Variants in ZYG11B observed in about 807,000 individuals in gnomAD.
ZYG11B encodes the protein zyg-11 family member B, cell cycle regulator.
In ZYG11B, 36 loss-of-function variants were observed where a neutral mutation model predicts 82.4. That is an observed-to-expected ratio of 0.44 (90% CI 0.33 to 0.58). The LOEUF is 0.58. Ranked by LOEUF, ZYG11B falls within the 20% of genes least tolerant of loss-of-function variation. The pLI is 0.02. For synonymous variants in ZYG11B, 303 were observed against 312.8 expected, an observed-to-expected ratio of 0.97 and a Z score of 0.33; for missense variants, 552 against 895.6, an observed-to-expected ratio of 0.62 and a Z score of 4.90.
chr1:52,794,945 C>G (rs1477580721), intron 6 of ZYG11B, among the ~76,000 whole-genome samples: 1 of 152,194 alleles, frequency 6.6e-6, no homozygotes, highest in East Asian at 1.9e-4. Flanking sequence ...TCCTTGCCCT[C>G]CTGGAGTTGA....
intron 1 of ZYG11B, among the ~76,000 whole-genome samples, chr1:52,729,469 C>T (rs1271469333): frequency 1.3e-5 from 2 of 152,120 alleles, no homozygotes; most frequent in Non-Finnish European, 2.9e-5. Context: ...AGAATATTAG[C>T]TTATTTTGAG....
At chr1:52,785,674 C>T (rs566929639) in intron 5 of ZYG11B, among the ~76,000 whole-genome samples, 9 of 152,274 alleles carry the variant, frequency 5.9e-5, no homozygotes, top group Non-Finnish European at 1.2e-4. Flanking sequence ...TGAGGATAGT[C>T]TCCATCTCTT....
chr1:52,747,223 TAAG>T (rs1349870319), intron 1 of ZYG11B, among the ~76,000 whole-genome samples: 1 of 152,116 alleles, frequency 6.6e-6, no homozygotes, highest in African/African-American at 2.4e-5. Flanking sequence ...TTCTAGGTAT[TAAG>T]AAAAAGTCAG....
intron 2 of ZYG11B, among the ~76,000 whole-genome samples, chr1:52,760,617 T>C (rs930655075): frequency 6.6e-6 from 1 of 152,130 alleles, no homozygotes; most frequent in African/African-American, 2.4e-5. Context: ...TAAAAAATTT[T>C]CTTTTTCTTC....
chr1:52,816,630 G>A lies in ZYG11B; in HGVS notation c.2044+1G>A, dbSNP rs1645226364. 1.9e-6 allele frequency: 3 copies of A among 1,587,996 alleles called. No individual in the cohort carries two copies. The highest frequency in any genetic ancestry group is 1.7e-4 in the Middle Eastern group (1 of 6,018). ...ATGCAACATGTCTGCAGCAAGAATC[G>A]TATGTACCAAAAAAAAAGAACTGTG... On this transcript the variant is annotated splice_donor_variant, in intron 13 of 13. Transcript: ENST00000294353. LOFTEE classifies it high-confidence loss of function.
rs767772170 is a variant in ZYG11B at position 52,756,620 on chromosome 1, C to T, written c.193C>T (p.His65Tyr). The T allele has an allele frequency of 6.3e-7, 1 of 1,595,906 alleles. No homozygotes were observed. The highest frequency in any genetic ancestry group is 8.5e-7 in the Non-Finnish European group (1 of 1,170,772). The part of the protein sequence containing the change: ...ADRLLRTMAF[H>Y]GLLNDGTVGI... ...TCGACTGCTTCGGACCATGGCTTTTCATGGTAAAAAAATAAACAGAGGAAA... is the reference window on the plus strand; with the variant it reads ...TCGACTGCTTCGGACCATGGCTTTTTATGGTAAAAAAATAAACAGAGGAAA... Residue 65 changes from histidine (H) to tyrosine (Y), a missense_variant, in exon 2 of 14, where the codon CAT becomes TAT. His to Tyr is a moderately conservative substitution (Grantham distance 83). Around this residue, in one of 3 missense-constraint regions of ZYG11B, gnomAD observed 359 missense variants for 555.8 expected, o/e 0.65. Transcript: ENST00000294353.
chr1:52,810,049 T>A (rs2149963790), intron 10 of ZYG11B, among the ~76,000 whole-genome samples: 1 of 152,326 alleles, frequency 6.6e-6, no homozygotes, highest in East Asian at 1.9e-4. Context: ...ATTCTTGAAC[T>A]TTGTTCTGGG....
chr1:52,736,104 G>C (rs1305810726), intron 1 of ZYG11B, among the ~76,000 whole-genome samples: 4 of 152,096 alleles, frequency 2.6e-5, no homozygotes, highest in Non-Finnish European at 5.9e-5. Context: ...TTTCGGCCCT[G>C]CTAGTTTACA....
At chr1:52,783,788 T>TTATATA (rs760749281) in intron 4 of ZYG11B, among the ~76,000 whole-genome samples, 2,333 of 51,248 alleles carry the variant, frequency 0.046, 47 homozygotes, top group East Asian at 0.26. Flanking sequence ...ATGCCCAGCT[T>TTATATA]TATATATATA....
rs145671839 is a variant in ZYG11B at position 52,771,673 on chromosome 1, G to A, written c.850G>A (p.Val284Ile). The change falls in exon 3 of 14, where the codon GTT becomes ATT. Residue 284 changes from valine to isoleucine, a missense_variant. By Grantham distance (29) the Val-to-Ile change is conservative (BLOSUM62 3). Around this residue, in one of 3 missense-constraint regions of ZYG11B, gnomAD observed 359 missense variants for 555.8 expected, o/e 0.65. Coordinates refer to ENST00000294353, the MANE Select transcript of ZYG11B (RefSeq NM_024646.3). The surrounding 1 kb of genome is among the most constrained non-coding windows in gnomAD (Gnocchi z 5.4). ...SGRKHVTDKA[V>I]EAFIQQRPSM... is the part of the protein sequence containing the mutation. ...GAGAAAGCACGTGACAGATAAAGCCGTTGAAGCCTTTATACAACAACGTCC... is the reference window on the plus strand; with the variant it reads ...GAGAAAGCACGTGACAGATAAAGCCATTGAAGCCTTTATACAACAACGTCC... The A allele has an allele frequency of 9.9e-6, 16 of 1,614,092 alleles. No homozygotes were observed. Among genetic ancestry groups the A allele is most frequent in the African/African-American group, 5.3e-5 (4 of 74,930 alleles).
At chr1:52,742,195 C>T (rs7517661) in intron 1 of ZYG11B, among the ~76,000 whole-genome samples, 18,675 of 152,116 alleles carry the variant, frequency 0.12, 2,598 homozygotes, top group East Asian at 0.35. Flanking sequence ...TGGTGACTCA[C>T]GCCTATTACC....
intron 2 of ZYG11B, among the ~76,000 whole-genome samples, chr1:52,765,819 C>T (rs1644678356): frequency 6.6e-6 from 1 of 152,148 alleles, no homozygotes; most frequent in South Asian, 2.1e-4. Flanking sequence ...TCTTTAAGTA[C>T]TTTTTCAGCC....
At chr1:52,736,462 CTTTTTTTT>C (rs768092269) in intron 1 of ZYG11B, among the ~76,000 whole-genome samples, 1 of 149,924 alleles carries the variant, frequency 6.7e-6, no homozygotes, top group East Asian at 1.9e-4. Context: ...TCTTTTTTTT[CTTTTTTTT>C]GAGATGGATT....
At chr1:52,787,038 C>G (rs1253226834) in intron 5 of ZYG11B, among the ~76,000 whole-genome samples, 1 of 151,490 alleles carries the variant, frequency 6.6e-6, no homozygotes, top group African/African-American at 2.4e-5. Context: ...TGCAGTGAGC[C>G]AAGATCGCAC....
intron 1 of ZYG11B, among the ~76,000 whole-genome samples, chr1:52,752,640 G>C (rs1644536204): frequency 6.6e-6 from 1 of 152,186 alleles, no homozygotes. Flanking sequence ...TTGGTCAGAA[G>C]TACAAGTGGA....
intron 12 of ZYG11B, 84 bp downstream of exon 12, chr1:52,813,996 T>G: frequency 7.6e-7 from 1 of 1,313,030 alleles, no homozygotes; most frequent in South Asian, 1.3e-5. Context: ...ATGCATAATT[T>G]TTCCCTCAGG....
At chr1:52,728,235 A>G (rs1385962560) in intron 1 of ZYG11B, among the ~76,000 whole-genome samples, 1 of 152,174 alleles carries the variant, frequency 6.6e-6, no homozygotes, top group Non-Finnish European at 1.5e-5. Flanking sequence ...TGAGGTAACT[A>G]GTGGACTACA....
intron 7 of ZYG11B, 37 bp from the exon 8 acceptor site, chr1:52,796,697 T>A (rs1441248722): frequency 6.4e-7 from 1 of 1,563,228 alleles, no homozygotes; most frequent in Non-Finnish European, 8.7e-7. Context: ...CATTAATGAG[T>A]TCTTGGACAT....
intron 1 of ZYG11B, among the ~76,000 whole-genome samples, chr1:52,743,182 G>A (rs1395602611): frequency 2.6e-5 from 4 of 151,970 alleles, no homozygotes; most frequent in Admixed American, 6.6e-5. Flanking sequence ...GGAAGTAGAC[G>A]TAGGAGACTC....
Sources: gnomAD v4.1 joint callset for allele counts (sites outside exome capture counted in the v4.1 genomes callset) on GRCh38, gnomAD v4.1.1 for gene constraint, gnomAD v4.1.1 regional missense constraint, Gnocchi (gnomAD v3.1) non-coding constraint, MANE v1.5 for transcripts, NCBI Gene and HGNC (gene_info 2026-07-23, HGNC 2026-07-21) for gene names.